Variants in PHACTR1 observed in about 807,000 individuals in gnomAD.
The protein encoded by PHACTR1 is phosphatase and actin regulator 1.
A neutral mutation model predicts 69.2 loss-of-function variants in PHACTR1; 16 were observed. The observed-to-expected ratio is 0.23, with a 90% CI of 0.16 to 0.35. PHACTR1 has a LOEUF of 0.35. Ranked by LOEUF, PHACTR1 falls within the 10% of genes least tolerant of loss-of-function variation. PHACTR1 has a pLI of 1.00. For missense variants in PHACTR1, 510 were observed against 734.7 expected, an observed-to-expected ratio of 0.69 and a Z score of 3.54; for synonymous variants, 312 against 284.5, an observed-to-expected ratio of 1.10 and a Z score of -0.97.
chr6:12,959,391 C>T (rs955359076), intron 4 of PHACTR1, among the ~76,000 whole-genome samples: 1 of 151,874 alleles, frequency 6.6e-6, no homozygotes, highest in Non-Finnish European at 1.5e-5. Flanking sequence ...CTACTGTGGC[C>T]CTATCACTCC....
chr6:13,078,909 C>T (rs1810948600), intron 5 of PHACTR1, among the ~76,000 whole-genome samples: 1 of 152,162 alleles, frequency 6.6e-6, no homozygotes. Context: ...CATTCAGTTC[C>T]TATTAGGAAT....
intron 4 of PHACTR1, among the ~76,000 whole-genome samples, chr6:12,909,864 T>C (rs1027216442): frequency 6.6e-6 from 1 of 152,224 alleles, no homozygotes; most frequent in African/African-American, 2.4e-5. Context: ...CACTCTTGCA[T>C]ACCCAGGGCT....
chr6:12,862,630 C>A lies in PHACTR1; in HGVS notation c.250+112840C>A, dbSNP rs142117384. Among the ~76,000 whole-genome samples the A allele has an allele frequency of 1.2e-4, 18 of 152,262 alleles. No homozygotes were observed. In the East Asian group the frequency reaches 2.7e-3, roughly 23 times the overall value. ...AACAGAGTTTCAGCAAATACTTCTG[C>A]TTTTTCATACACCACAGGGATCATG... is the stretch of plus-strand genomic sequence containing the variant. On this transcript the variant is annotated intron_variant, in intron 4 of 14. Transcript: ENST00000332995.
intron 4 of PHACTR1, among the ~76,000 whole-genome samples, chr6:12,792,773 A>G (rs1772483741): frequency 6.6e-6 from 1 of 150,576 alleles, no homozygotes; most frequent in Non-Finnish European, 1.5e-5. Flanking sequence ...AGATTAAGTG[A>G]TATTAAATAG....
rs145915663 is a variant in PHACTR1, at chr6:13,016,197, A to G, written c.251-37168A>G. Among the ~76,000 whole-genome samples the G allele has an allele frequency of 4.8e-3, 726 of 152,348 alleles. 6 individuals carry two copies. The highest frequency in any genetic ancestry group is 0.016 in the African/African-American group (657 of 41,572). Reference sequence around the variant, plus strand: ...TTTCTACATGCCAGGAGCACCAGCTATTTTAAAACATTTGTATGCTCAAGA... The same window carrying G: ...TTTCTACATGCCAGGAGCACCAGCTGTTTTAAAACATTTGTATGCTCAAGA... On this transcript the variant is annotated intron_variant, in intron 4 of 14. Transcript: ENST00000332995.
At chr6:12,846,785 A>G (rs6941521) in intron 4 of PHACTR1, among the ~76,000 whole-genome samples, 148,045 of 150,616 alleles carry the variant, frequency 0.98, 72,821 homozygotes, top group Middle Eastern at 1. Context: ...TTTATATACC[A>G]CTTAGCAACT....
At chr6:13,006,070 G>A (rs879577682) in intron 4 of PHACTR1, among the ~76,000 whole-genome samples, 9 of 152,146 alleles carry the variant, frequency 5.9e-5, no homozygotes, top group Non-Finnish European at 1.2e-4. Flanking sequence ...TCACCACAAT[G>A]TAGATACAAT....
chr6:12,956,663 A>C (rs1331811578), intron 4 of PHACTR1, among the ~76,000 whole-genome samples: 3 of 152,166 alleles, frequency 2.0e-5, no homozygotes, highest in Non-Finnish European at 4.4e-5. Flanking sequence ...AGGTCAGGGC[A>C]GGGGTTTTGG....
At chr6:12,964,251 AT>A (rs1426203972) in intron 4 of PHACTR1, among the ~76,000 whole-genome samples, 1 of 152,210 alleles carries the variant, frequency 6.6e-6, no homozygotes, top group Non-Finnish European at 1.5e-5. Flanking sequence ...ACTCATACCT[AT>A]TCAGGGAAAT....
At chr6:13,105,775 A>G (rs1816029445) in intron 5 of PHACTR1, among the ~76,000 whole-genome samples, 1 of 152,222 alleles carries the variant, frequency 6.6e-6, no homozygotes, top group Non-Finnish European at 1.5e-5. Context: ...ATGTAAGTAG[A>G]GAGTTTATTT....
intron 4 of PHACTR1, among the ~76,000 whole-genome samples, chr6:12,828,234 C>G (rs934728399): frequency 2.0e-5 from 3 of 152,172 alleles, no homozygotes; most frequent in African/African-American, 7.2e-5. Context: ...TTTTGCTTCT[C>G]TATTCTTCCC....
intron 3 of PHACTR1, among the ~76,000 whole-genome samples, chr6:12,734,935 T>C (rs971617779): frequency 1.3e-5 from 2 of 152,236 alleles, no homozygotes; most frequent in African/African-American, 4.8e-5. Context: ...TCTGAGTCCA[T>C]TGTGAACCCA....
chr6:12,902,494 G>A (rs555370756), intron 4 of PHACTR1, among the ~76,000 whole-genome samples: 2 of 152,140 alleles, frequency 1.3e-5, no homozygotes, highest in South Asian at 2.1e-4. Flanking sequence ...TTCTAGGTTC[G>A]TCCATTGGAT....
chr6:13,096,534 A>G (rs1296532318), intron 5 of PHACTR1, among the ~76,000 whole-genome samples: 4 of 152,174 alleles, frequency 2.6e-5, no homozygotes, highest in African/African-American at 9.7e-5. Context: ...ACAGATTAAT[A>G]TAATATTAGT....
At chr6:13,191,938 C>T (rs772783917) in intron 7 of PHACTR1, among the ~76,000 whole-genome samples, 3 of 152,186 alleles carry the variant, frequency 2.0e-5, no homozygotes, top group African/African-American at 4.8e-5. Context: ...CAAGGACTAT[C>T]TGTTGATTAA....
At chr6:12,881,365 G>A (rs1207320185) in intron 4 of PHACTR1, among the ~76,000 whole-genome samples, 1 of 152,166 alleles carries the variant, frequency 6.6e-6, no homozygotes, top group Non-Finnish European at 1.5e-5. Flanking sequence ...ATTTGGCGCT[G>A]AACCTGCAGG....
In PHACTR1 at chr6:13,124,614, T is replaced by C. The variant is rs556378590; in HGVS notation, c.416-35590T>C. Among the ~76,000 whole-genome samples the C allele has an allele frequency of 1.5e-3, 235 of 152,360 alleles. 3 individuals carry two copies. The South Asian group carries it at 0.017, about 11-fold the overall frequency. On this transcript the variant is annotated intron_variant, in intron 5 of 14. Coordinates refer to ENST00000332995, the MANE Select transcript of PHACTR1 (RefSeq NM_030948.6). ...TTTTTATTAAAGACACAAACCCATG[T>C]TTGTTAGCTTGCGCTGCCATAACAA...
intron 5 of PHACTR1, among the ~76,000 whole-genome samples, chr6:13,058,886 A>C (rs1004374953): frequency 6.6e-6 from 1 of 152,116 alleles, no homozygotes; most frequent in Non-Finnish European, 1.5e-5. Flanking sequence ...GTAACCAAAG[A>C]CCAGCTCCCC....
At chr6:12,812,425 G>T (rs972078923) in intron 4 of PHACTR1, among the ~76,000 whole-genome samples, 3 of 152,194 alleles carry the variant, frequency 2.0e-5, no homozygotes, top group Non-Finnish European at 4.4e-5. Context: ...TGGAGTCCTT[G>T]TAATAGCACT....
Sources: gnomAD v4.1 joint callset for allele counts (sites outside exome capture counted in the v4.1 genomes callset) on GRCh38, gnomAD v4.1.1 for gene constraint, MANE v1.5 for transcripts, NCBI Gene and HGNC (gene_info 2026-07-23, HGNC 2026-07-21) for gene names.